CUX1: variants seen among roughly 807,000 people sequenced by gnomAD.
CUX1 encodes cut like homeobox 1, also known as protein CASP.
A neutral mutation model predicts 158.8 loss-of-function variants in CUX1; 31 were observed. The observed-to-expected ratio is 0.20, with a 90% CI of 0.15 to 0.26. The LOEUF (loss-of-function observed/expected upper bound fraction) is 0.26, where lower values mean the gene tolerates loss of function less well. Ranked by LOEUF, CUX1 falls within the 10% of genes least tolerant of loss-of-function variation. The pLI, the probability that CUX1 is intolerant of heterozygous loss-of-function variation, is 1.00. For missense variants in CUX1, 1,589 were observed against 2,014.6 expected (o/e 0.79, Z 4.04); for synonymous variants, 879 against 862.1 (o/e 1.02, Z -0.34).
At chr7:102,265,933 G>T (rs1554544957) in intron 14 of CUX1, among the ~76,000 whole-genome samples, 1 of 152,158 alleles carries the variant, frequency 6.6e-6, no homozygotes, top group Non-Finnish European at 1.5e-5. Context: ...GGCAGGGGCA[G>T]TGGCTCACGC....
Position 102,248,869 on chromosome 7 carries a change from GC to G in CUX1, c.4351del (p.Arg1451AlafsTer34). On this transcript the variant is annotated frameshift_variant, in exon 24 of 24. Coordinates refer to ENST00000292535, the MANE Select transcript of CUX1 (RefSeq NM_181552.4). LOFTEE classifies it low-confidence loss of function (END_TRUNC). This position sits in a 1 kb window ranked among gnomAD's most constrained non-coding sequence, Gnocchi z 5.8. ...GCCCAGCAACAGCAGCAGCAGCAGC[GC>G]CCCCCGCAGGCCCAGCTCGCTGCAG... Reference protein sequence around the residue: ...PPPSNSSSSSAPRRPSSLQSL... With the variant: ...PPPSNSSSSSXPRRPSSLQSL... 9 of 1,307,810 alleles carry G rather than the reference GC, an allele frequency of 6.9e-6. No homozygotes were observed. Among genetic ancestry groups the G allele is most frequent in the South Asian group, 1.8e-5 (1 of 55,792 alleles). The allele number at this position is 1,307,810 out of a possible 1,614,324, so 81.0% of individuals were successfully genotyped here. A position where few individuals can be genotyped will look rare whatever the true frequency, so the allele number is the denominator to read the frequency against.
chr7:101,899,534 G>A (rs896823088), intron 1 of CUX1, among the ~76,000 whole-genome samples: 1 of 152,132 alleles, frequency 6.6e-6, no homozygotes, highest in African/African-American at 2.4e-5. Context: ...TCCAGTCTGA[G>A]TGATTCTGTC....
Position 102,201,319 on chromosome 7 carries a change from G to A in CUX1, c.2063-41G>A. On this transcript the variant is annotated intron_variant, in intron 17 of 23. Transcript: ENST00000292535. The surrounding 1 kb of genome is among the most constrained non-coding windows in gnomAD (Gnocchi z 5.0). ...TGAGAAGCATGTCCCCAGCTGAAGG[G>A]GGCCGCCCTGCCACACTCTCACCCC... The A allele has an allele frequency of 6.3e-7, 1 of 1,588,944 alleles. No individual in the cohort carries two copies. The highest frequency in any genetic ancestry group is 8.6e-7 in the Non-Finnish European group (1 of 1,166,318).
At chr7:101,955,181 C>G (rs576828384) in intron 2 of CUX1, among the ~76,000 whole-genome samples, 1 of 150,016 alleles carries the variant, frequency 6.7e-6, no homozygotes, top group Non-Finnish European at 1.5e-5. Flanking sequence ...AAAAAAAATG[C>G]AGGTTCAAGG....
chr7:102,195,002 C>T (rs920723073), intron 13 of CUX1, among the ~76,000 whole-genome samples: 5 of 151,524 alleles, frequency 3.3e-5, no homozygotes, highest in African/African-American at 9.7e-5. Flanking sequence ...CCAGCCTGGG[C>T]GACAGAGTGA....
chr7:102,276,995 C>CA (rs1215239717), intron 17 of CUX1, among the ~76,000 whole-genome samples: 1 of 151,670 alleles, frequency 6.6e-6, no homozygotes, highest in African/African-American at 2.4e-5. Flanking sequence ...ATACCAATGA[C>CA]AAAAAAAAGT....
At chr7:102,110,385 TATA>T (rs1426950965) in intron 6 of CUX1, among the ~76,000 whole-genome samples, 4 of 88,800 alleles carry the variant, frequency 4.5e-5, no homozygotes, top group African/African-American at 2.0e-4. Context: ...CACATTCCAC[TATA>T]ATGTTACATA....
intron 1 of CUX1, among the ~76,000 whole-genome samples, chr7:101,858,431 C>CGGGA (rs1797111975): frequency 6.6e-6 from 1 of 152,124 alleles, no homozygotes; most frequent in South Asian, 2.1e-4. Context: ...TGGTCCCTCC[C>CGGGA]GCCTTCCCTG....
rs782504944 is a variant in CUX1, at chr7:102,200,074, A to T, written c.1964A>T (p.Asn655Ile). ...VPKRRNGSEG[N>I]ITTRIRASET... ...TTGGCGCAACTTCTCCCCACAGGTAACATCACCACCCGGATCCGAGCCTCG... is the reference window on the plus strand; with the variant it reads ...TTGGCGCAACTTCTCCCCACAGGTATCATCACCACCCGGATCCGAGCCTCG... The change falls in exon 17 of 24, where the codon AAC becomes ATC. Residue 655 changes from asparagine (N) to isoleucine (I), a missense_variant. By Grantham distance (149) the Asn-to-Ile change is moderately radical. Around this residue, in one of 8 missense-constraint regions of CUX1, gnomAD observed 337 missense variants for 409.3 expected, o/e 0.82. Transcript: ENST00000292535. 1 of 1,609,682 alleles carries T rather than the reference A, an allele frequency of 6.2e-7. No homozygotes were observed. The highest frequency in any genetic ancestry group is 2.2e-5 in the East Asian group (1 of 44,616).
intron 1 of CUX1, among the ~76,000 whole-genome samples, chr7:101,881,498 T>C (rs1799702868): frequency 6.6e-6 from 1 of 152,234 alleles, no homozygotes; most frequent in Non-Finnish European, 1.5e-5. Context: ...CTCAGGAGCT[T>C]GGGTCTGCAG....
At chr7:102,137,593 A>G (rs1834045107) in intron 8 of CUX1, among the ~76,000 whole-genome samples, 1 of 152,078 alleles carries the variant, frequency 6.6e-6, no homozygotes, top group Non-Finnish European at 1.5e-5. Flanking sequence ...CTGAGATGGC[A>G]CCGCTGCACT....
intron 1 of CUX1, among the ~76,000 whole-genome samples, chr7:101,905,832 C>T (rs1802688228): frequency 2.0e-5 from 3 of 152,100 alleles, no homozygotes; most frequent in Non-Finnish European, 4.4e-5. Context: ...TGCTTCTCCA[C>T]GTGCCCAGTA....
chr7:102,254,510 GAAA>G lies in CUX1; in HGVS notation c.*5470_*5472del. The stretch of plus-strand genomic sequence containing the variant: ...ATGCCAGTTCCCATCCAGCACCGAA[GAAA>G]ATCAGCTCCTGGGGCTGGTGGTTGG... On this transcript the variant is annotated 3_prime_UTR_variant, in exon 24 of 24. Transcript: ENST00000292535. 1.0e-6 allele frequency: 1 copy of G among 985,522 alleles called. No homozygotes were observed. Among genetic ancestry groups the G allele is most frequent in the Non-Finnish European group, 1.2e-6 (1 of 829,972 alleles). The allele number at this position is 985,522 out of a possible 1,614,324, so 61.0% of individuals were successfully genotyped here. A position where few individuals can be genotyped will look rare whatever the true frequency, so the allele number is the denominator to read the frequency against.
intron 20 of CUX1, among the ~76,000 whole-genome samples, chr7:102,205,640 G>A (rs1447234052): frequency 2.6e-5 from 4 of 152,180 alleles, no homozygotes; most frequent in Non-Finnish European, 5.9e-5. Context: ...GAAAGGAAAT[G>A]GCCAGGAAGC....
intron 8 of CUX1, among the ~76,000 whole-genome samples, chr7:102,152,276 A>T (rs1284523295): frequency 2.0e-5 from 3 of 152,212 alleles, no homozygotes; most frequent in African/African-American, 7.2e-5. Flanking sequence ...ACTTGAGCTC[A>T]GGACAAGAGT....
At chr7:102,052,024 C>A (rs401301) in intron 3 of CUX1, among the ~76,000 whole-genome samples, 82,469 of 151,764 alleles carry the variant, frequency 0.54, 24,437 homozygotes, top group East Asian at 0.97. Context: ...ACAGCCTGGC[C>A]AACATGGCGA....
Position 102,195,621 on chromosome 7 carries a change from C to T in CUX1, c.1222+18C>T, listed in dbSNP as rs1794724488. On this transcript the variant is annotated intron_variant, in intron 14 of 23. Transcript: ENST00000292535. ...CCTGAGCGGTAGGTTGGCCGGGCTTCGCGCGTGTGCGGTGGTTGGTTCGCT... is the reference window on the plus strand; with the variant it reads ...CCTGAGCGGTAGGTTGGCCGGGCTTTGCGCGTGTGCGGTGGTTGGTTCGCT... The T allele has an allele frequency of 4.4e-6, 7 of 1,586,280 alleles. No homozygotes were observed. Among genetic ancestry groups the T allele is most frequent in the African/African-American group, 1.3e-5 (1 of 74,678 alleles).
At chr7:101,886,900 G>C (rs1800282390) in intron 1 of CUX1, among the ~76,000 whole-genome samples, 1 of 152,160 alleles carries the variant, frequency 6.6e-6, no homozygotes, top group Admixed American at 6.5e-5. Context: ...TTGCTGAAGG[G>C]TAGATGCTGC....
At chr7:101,951,591 C>T (rs1397499861) in intron 2 of CUX1, among the ~76,000 whole-genome samples, 7 of 152,022 alleles carry the variant, frequency 4.6e-5, no homozygotes, top group South Asian at 2.1e-4. Context: ...CTGCAAGCTC[C>T]GCCTCCAGGG....
Sources: gnomAD v4.1 joint callset for allele counts (sites outside exome capture counted in the v4.1 genomes callset) on GRCh38, gnomAD v4.1.1 for gene constraint, gnomAD v4.1.1 regional missense constraint, Gnocchi (gnomAD v3.1) non-coding constraint, MANE v1.5 for transcripts, NCBI Gene and HGNC (gene_info 2026-07-23, HGNC 2026-07-21) for gene names.